The following RIPOR2 variants were observed in gnomAD, a reference collection of about 807,000 sequenced individuals.
The protein encoded by RIPOR2 is rho family-interacting cell polarization regulator 2.
In RIPOR2, 39 loss-of-function variants were observed where a neutral mutation model predicts 114.5. That is an observed-to-expected ratio of 0.34 (90% CI 0.26 to 0.44). The LOEUF is 0.44. RIPOR2 is among the 20% of genes least tolerant of loss of function. The probability of loss-of-function intolerance (pLI) is 1.00; values close to 1 mark genes in which losing one functional copy is unlikely to be tolerated. For synonymous variants in RIPOR2, 445 were observed against 484.4 expected (o/e 0.92, Z 1.07); for missense variants, 1,007 against 1,255.1 (o/e 0.80, Z 2.99).
chr6:24,950,614 T>C (rs1772698769), intron 1 of RIPOR2, among the ~76,000 whole-genome samples: 1 of 152,126 alleles, frequency 6.6e-6, no homozygotes, highest in Non-Finnish European at 1.5e-5. Context: ...GAATGGGCAG[T>C]AGGGGACATG....
chr6:24,982,231 C>G (rs575124640), intron 1 of RIPOR2, among the ~76,000 whole-genome samples: 7 of 152,090 alleles, frequency 4.6e-5, no homozygotes, highest in Non-Finnish European at 5.9e-5. Context: ...TTCCATTTTC[C>G]AAAGGCTGTT....
chr6:24,834,673 G>T (rs1760972998), intron 15 of RIPOR2, among the ~76,000 whole-genome samples: 1 of 152,068 alleles, frequency 6.6e-6, no homozygotes, highest in South Asian at 2.1e-4. Flanking sequence ...ACCCAGGCTG[G>T]AGCGCAGTGG....
chr6:25,032,187 G>GTT (rs770986663), intron 1 of RIPOR2, among the ~76,000 whole-genome samples: 1,911 of 138,920 alleles, frequency 0.014, 26 homozygotes, highest in East Asian at 0.045. Flanking sequence ...CCTTTATGGT[G>GTT]TTTTTTTTTT....
At position 24,841,865 on chromosome 6, in the gene RIPOR2, G is replaced by A. The variant is rs150505172; in HGVS notation, c.1857+997C>T. Among the ~76,000 whole-genome samples the A allele has an allele frequency of 3.8e-3, 578 of 151,822 alleles. 2 individuals carry two copies. The highest frequency in any genetic ancestry group is 0.013 in the African/African-American group (546 of 41,376). ...ACTCCTGGGCTCAAGTCATCTGCCC[G>A]CCTTGGCCTTCCAACATGCTGGGAT... On this transcript the variant is annotated intron_variant, in intron 13 of 21. Coordinates refer to ENST00000643898, the MANE Select transcript of RIPOR2 (RefSeq NM_001286445.3).
chr6:24,989,415 C>T lies in RIPOR2; in HGVS notation c.76+52436G>A, dbSNP rs143273471. Among the ~76,000 whole-genome samples, 1,476 of 151,774 alleles carry T rather than the reference C, an allele frequency of 9.7e-3. 28 individuals carry two copies. Among genetic ancestry groups the T allele is most frequent in the African/African-American group, 0.032 (1,341 of 41,404 alleles). The stretch of plus-strand genomic sequence containing the variant: ...GGTTTGAGTGATTTTCCTGCCTCAG[C>T]CTCCTGAGTAGCTGGGATTACAGGC... On this transcript the variant is annotated intron_variant, in intron 1 of 13. Transcript: ENST00000510784.
chr6:24,841,268 C>T (rs1006887801), intron 13 of RIPOR2, among the ~76,000 whole-genome samples: 1 of 152,144 alleles, frequency 6.6e-6, no homozygotes, highest in Non-Finnish European at 1.5e-5. Flanking sequence ...ACCTTTTGCC[C>T]ACAAAGCAAA....
At chr6:24,852,093 C>A (rs1028703958) in intron 9 of RIPOR2, among the ~76,000 whole-genome samples, 2 of 151,890 alleles carry the variant, frequency 1.3e-5, no homozygotes, top group African/African-American at 2.4e-5. Context: ...AACCCCATCT[C>A]TACTAAAAAT....
intron 1 of RIPOR2, among the ~76,000 whole-genome samples, chr6:24,961,923 C>T (rs1773327371): frequency 6.6e-6 from 1 of 152,110 alleles, no homozygotes; most frequent in Non-Finnish European, 1.5e-5. Flanking sequence ...CACCGCACCT[C>T]GCCTATTCTA....
intron 13 of RIPOR2, chr6:24,840,810 T>C (rs1761638648): frequency 2.6e-6 from 4 of 1,532,144 alleles, no homozygotes; most frequent in Non-Finnish European, 2.6e-6. Flanking sequence ...AGAGAAAGCT[T>C]TGTCCAGCTG....
chr6:24,965,776 T>G (rs1561812821), intron 1 of RIPOR2, among the ~76,000 whole-genome samples: 1 of 152,226 alleles, frequency 6.6e-6, no homozygotes, highest in Non-Finnish European at 1.5e-5. Flanking sequence ...ATTATTATAA[T>G]GAAAACACTA....
At chr6:24,839,526 A>G in intron 13 of RIPOR2, 1 of 1,397,640 alleles carries the variant, frequency 7.2e-7, no homozygotes, top group Non-Finnish European at 9.7e-7. Flanking sequence ...AGGAAACAAG[A>G]TTGGCCATGA....
Position 24,804,454 on chromosome 6 carries a change from T to A in RIPOR2, c.*1919A>T, listed in dbSNP as rs1305802077. On this transcript the variant is annotated 3_prime_UTR_variant, in exon 22 of 22. Coordinates refer to ENST00000643898, the MANE Select transcript of RIPOR2 (RefSeq NM_001286445.3). ...ATAGTCAAAATAAAAAATAAAAAAA[T>A]GACAAACCAAACACAAAATCCTGTA... 3.5e-5 allele frequency: 5 copies of A among 142,734 alleles called. No individual in the cohort carries two copies. The highest frequency in any genetic ancestry group is 1.3e-4 in the African/African-American group (5 of 39,704). The allele number at this position is 142,734 out of a possible 1,614,324, so 8.8% of individuals were successfully genotyped here. A position where few individuals can be genotyped will look rare whatever the true frequency, so the allele number is the denominator to read the frequency against.
chr6:24,883,475 C>A lies in RIPOR2; in HGVS notation c.62-7658G>T. ...GCCTGAGGCCAGGGACGGGAGCAGG[C>A]AAGGAAGCAGAGAGAGGTTTTGGGG... On this transcript the variant is annotated intron_variant, in intron 1 of 21. Coordinates refer to ENST00000643898, the MANE Select transcript of RIPOR2 (RefSeq NM_001286445.3). This position sits in a 1 kb window ranked among gnomAD's most constrained non-coding sequence, Gnocchi z 4.1. 6.6e-6 allele frequency among the ~76,000 whole-genome samples: 1 copy of A among 152,032 alleles called. No individual in the cohort carries two copies. The highest frequency in any genetic ancestry group is 1.9e-4 in the East Asian group (1 of 5,198).
intron 1 of RIPOR2, among the ~76,000 whole-genome samples, chr6:25,019,585 C>T (rs1034219908): frequency 9.1e-5 from 13 of 142,608 alleles, no homozygotes; most frequent in East Asian, 6.2e-4. Flanking sequence ...CTGGCTAACA[C>T]GGTAAAAAAA....
intron 1 of RIPOR2, among the ~76,000 whole-genome samples, chr6:25,017,024 G>A (rs1353533521): frequency 6.6e-6 from 1 of 152,178 alleles, no homozygotes; most frequent in East Asian, 1.9e-4. Flanking sequence ...CACTTTGTGG[G>A]GAGGTAGGGA....
At chr6:24,914,679 T>G (rs956628014) in intron 1 of RIPOR2, among the ~76,000 whole-genome samples, 1 of 152,206 alleles carries the variant, frequency 6.6e-6, no homozygotes, top group African/African-American at 2.4e-5. Flanking sequence ...TAAGCCAGTG[T>G]GTGGTTGAAG....
chr6:24,839,358 C>G, intron 13 of RIPOR2, 86 bp from the exon 14 acceptor site: 1 of 1,273,142 alleles, frequency 7.9e-7, no homozygotes, highest in Non-Finnish European at 1.0e-6. Flanking sequence ...AGATGCCACA[C>G]TTTTTTTTTT....
At chr6:25,004,811 G>A (rs568414627) in intron 1 of RIPOR2, among the ~76,000 whole-genome samples, 4 of 151,960 alleles carry the variant, frequency 2.6e-5, no homozygotes, top group Admixed American at 6.6e-5. Flanking sequence ...GTGTGCATGC[G>A]CACGTGTGTG....
At chr6:25,015,870 C>A (rs956644056) in intron 1 of RIPOR2, 4 of 142,364 alleles carry the variant, frequency 2.8e-5, no homozygotes, top group South Asian at 2.3e-4. Context: ...GTTGGAAAGC[C>A]TCCCCTTAAA....
Sources: gnomAD v4.1 joint callset for allele counts (sites outside exome capture counted in the v4.1 genomes callset) on GRCh38, gnomAD v4.1.1 for gene constraint, Gnocchi (gnomAD v3.1) non-coding constraint, MANE v1.5 for transcripts, NCBI Gene and HGNC (gene_info 2026-07-23, HGNC 2026-07-21) for gene names.